MYPN: variants seen among roughly 807,000 people sequenced by gnomAD.
The protein encoded by MYPN is myopalladin.
MYPN carries 63 observed loss-of-function variants against 129.4 expected under a neutral mutation model. The ratio of observed to expected loss-of-function variants is 0.49; its 90% confidence interval spans 0.40 to 0.60. The LOEUF (loss-of-function observed/expected upper bound fraction) is 0.60, where lower values mean the gene tolerates loss of function less well. Ranked by LOEUF, MYPN falls within the 20% of genes least tolerant of loss-of-function variation. The pLI, the probability that MYPN is intolerant of heterozygous loss-of-function variation, is 0.00. For synonymous variants in MYPN, 629 were observed against 600.9 expected (o/e 1.05, Z -0.68); for missense variants, 1,596 against 1,635.4 (o/e 0.98, Z 0.42).
Position 68,121,727 on chromosome 10 carries a change from A to G in MYPN, c.289A>G (p.Arg97Gly). 1 of 1,614,252 alleles carries G rather than the reference A, an allele frequency of 6.2e-7. No homozygotes were observed. The highest frequency in any genetic ancestry group is 8.5e-7 in the Non-Finnish European group (1 of 1,180,048). Residue 97 changes from arginine to glycine, a missense_variant, in exon 2 of 20, where the codon AGA becomes GGA. Arg to Gly is a moderately radical substitution (Grantham distance 125). Transcript: ENST00000358913. ...GGAGAAGGCAGATGAAACTCAAGCT[A>G]GAAAACGACTTTCTCCTGATCAGAT... ...PLEKADETQA[R>G]KRLSPDQMKH...
intron 6 of MYPN, among the ~76,000 whole-genome samples, chr10:68,157,625 G>A (rs1299049914): frequency 7.6e-6 from 1 of 132,168 alleles, no homozygotes; most frequent in Non-Finnish European, 1.5e-5. Flanking sequence ...CTTGAGCCCA[G>A]AAGTTTGACA....
chr10:68,136,769 T>C, intron 2 of MYPN: 1 of 1,512,394 alleles, frequency 6.6e-7, no homozygotes, highest in Non-Finnish European at 8.9e-7. Context: ...ATTTAGATAA[T>C]CCTATAATGT....
At chr10:68,139,470 C>G (rs1307112068) in intron 2 of MYPN, among the ~76,000 whole-genome samples, 7 of 152,042 alleles carry the variant, frequency 4.6e-5, no homozygotes, top group Admixed American at 4.6e-4. Flanking sequence ...GGTTTTGTAC[C>G]TTTAAAAAAT....
chr10:68,110,289 C>T (rs2042064772), intron 1 of MYPN, among the ~76,000 whole-genome samples: 1 of 152,136 alleles, frequency 6.6e-6, no homozygotes. Context: ...CTTTCTCTCT[C>T]TCCCTTTTCA....
intron 2 of MYPN, among the ~76,000 whole-genome samples, chr10:68,131,963 A>G (rs1055952642): frequency 1.3e-5 from 2 of 152,112 alleles, no homozygotes; most frequent in Non-Finnish European, 2.9e-5. Context: ...CTATCTATAG[A>G]TTTTTGGGTG....
chr10:68,193,474 AC>A (rs1564693502), intron 13 of MYPN, among the ~76,000 whole-genome samples: 1 of 152,236 alleles, frequency 6.6e-6, no homozygotes, highest in Admixed American at 6.5e-5. Context: ...TCCACAGGGT[AC>A]CTGTTCTTGT....
At chr10:68,110,169 G>A (rs1251415616) in intron 1 of MYPN, among the ~76,000 whole-genome samples, 1 of 152,122 alleles carries the variant, frequency 6.6e-6, no homozygotes, top group Non-Finnish European at 1.5e-5. Flanking sequence ...GCTATATTTA[G>A]TGTTGGGAGA....
chr10:68,107,341 C>CTTTTTTTTT (rs1217100514), upstream of MYPN, among the ~76,000 whole-genome samples: 1 of 113,446 alleles, frequency 8.8e-6, no homozygotes, highest in Non-Finnish European at 1.8e-5. Context: ...CTTCTCTTTT[C>CTTTTTTTTT]TTTTTTTTTT....
At chr10:68,120,432 A>G (rs1433070300) in intron 1 of MYPN, among the ~76,000 whole-genome samples, 2 of 152,190 alleles carry the variant, frequency 1.3e-5, no homozygotes, top group Non-Finnish European at 2.9e-5. Flanking sequence ...ATCATATTCC[A>G]TTATATCTCA....
chr10:68,196,744 CAAAGTGCT>C (rs1376978430), intron 15 of MYPN, among the ~76,000 whole-genome samples: 2 of 152,086 alleles, frequency 1.3e-5, no homozygotes, highest in African/African-American at 4.8e-5. Context: ...TTCAGCCTCC[CAAAGTGCT>C]AGGATTACAG....
chr10:68,108,331 A>G (rs1378436622), upstream of MYPN, among the ~76,000 whole-genome samples: 1 of 152,224 alleles, frequency 6.6e-6, no homozygotes, highest in Non-Finnish European at 1.5e-5. Flanking sequence ...TATCTGTTCA[A>G]TGTACTATCA....
At chr10:68,129,608 C>A (rs1158605902) in intron 2 of MYPN, among the ~76,000 whole-genome samples, 1 of 152,118 alleles carries the variant, frequency 6.6e-6, no homozygotes. Context: ...AAATTGCTGG[C>A]AGACTATGTA....
intron 1 of MYPN, among the ~76,000 whole-genome samples, chr10:68,110,941 A>T (rs1232054935): frequency 6.6e-6 from 1 of 152,216 alleles, no homozygotes; most frequent in Non-Finnish European, 1.5e-5. Context: ...TGAAACAAAC[A>T]GTTGAACACT....
At chr10:68,201,753 C>T in intron 17 of MYPN, 76 bp from the exon 18 acceptor site, 1 of 1,545,346 alleles carries the variant, frequency 6.5e-7, no homozygotes, top group Non-Finnish European at 8.7e-7. Flanking sequence ...CACACTCCAG[C>T]CTGGGTGACA....
chr10:68,201,537 C>G (rs191237739), intron 17 of MYPN, among the ~76,000 whole-genome samples: 2 of 152,068 alleles, frequency 1.3e-5, no homozygotes, highest in African/African-American at 4.8e-5. Context: ...GAGGCCAAGG[C>G]GGGTGGGTCA....
chr10:68,160,891 TG>T lies in MYPN; in HGVS notation c.1460-835del, dbSNP rs756725392. 1.3e-3 allele frequency among the ~76,000 whole-genome samples: 203 copies of T among 152,314 alleles called. 1 individual carries two copies. Among genetic ancestry groups the T allele is most frequent in the Non-Finnish European group, 2.5e-3 (168 of 68,026 alleles). On this transcript the variant is annotated intron_variant, in intron 7 of 19. Coordinates refer to ENST00000358913, the MANE Select transcript of MYPN (RefSeq NM_032578.4). ...AAGATCTTGCCACTGTACTCCAGCC[TG>T]GGCAACAGAGTGAGACTTCGTCTCA...
At chr10:68,144,428 T>C (rs2042628374) in intron 3 of MYPN, among the ~76,000 whole-genome samples, 1 of 152,212 alleles carries the variant, frequency 6.6e-6, no homozygotes. Flanking sequence ...GGTACTTACA[T>C]AGTACCAAGT....
chr10:68,174,972 G>A (rs568536902), intron 11 of MYPN, among the ~76,000 whole-genome samples: 15 of 151,994 alleles, frequency 9.9e-5, no homozygotes, highest in African/African-American at 3.4e-4. Context: ...CCCGTCTCTA[G>A]GAGAAGCACA....
At chr10:68,130,548 G>T (rs2042394569) in intron 2 of MYPN, among the ~76,000 whole-genome samples, 1 of 150,152 alleles carries the variant, frequency 6.7e-6, no homozygotes, top group South Asian at 2.1e-4. Context: ...TCCTCTTCTG[G>T]TTTCATTTAT....
Sources: gnomAD v4.1 joint callset for allele counts (sites outside exome capture counted in the v4.1 genomes callset) on GRCh38, gnomAD v4.1.1 for gene constraint, MANE v1.5 for transcripts, NCBI Gene and HGNC (gene_info 2026-07-23, HGNC 2026-07-21) for gene names.